The following GSK3B variants were observed in gnomAD, a reference collection of about 807,000 sequenced individuals.
GSK3B encodes glycogen synthase kinase-3 beta.
In GSK3B, 15 loss-of-function variants were observed where a neutral mutation model predicts 56.4. The ratio of observed to expected loss-of-function variants is 0.27; its 90% CI spans 0.18 to 0.41. The LOEUF is 0.41. Among genes scored for constraint, GSK3B ranks in the 10% least tolerant of loss-of-function variants. The pLI, the probability that GSK3B is intolerant of heterozygous loss-of-function variation, is 1.00. For missense variants in GSK3B, 300 were observed against 513.4 expected, an observed-to-expected ratio of 0.58 and a Z score of 4.02; for synonymous variants, 181 against 188.9, an observed-to-expected ratio of 0.96 and a Z score of 0.34.
intron 7 of GSK3B, among the ~76,000 whole-genome samples, chr3:119,891,532 A>T (rs2056502058): frequency 6.6e-6 from 1 of 152,164 alleles, no homozygotes; most frequent in South Asian, 2.1e-4. Context: ...TTTATAGATA[A>T]AAAAGATGTT....
intron 2 of GSK3B, among the ~76,000 whole-genome samples, chr3:119,967,374 C>G (rs936678199): frequency 3.9e-5 from 6 of 152,100 alleles, no homozygotes; most frequent in African/African-American, 1.2e-4. Context: ...CTGCGCCTGG[C>G]CAGCTATCTT....
intron 7 of GSK3B, among the ~76,000 whole-genome samples, chr3:119,883,378 T>C (rs1271795857): frequency 1.3e-5 from 2 of 152,008 alleles, no homozygotes; most frequent in African/African-American, 4.8e-5. Flanking sequence ...AAACAAAACA[T>C]TAGGGAGCAA....
At chr3:119,831,222 T>C (rs1203079787) in intron 10 of GSK3B, among the ~76,000 whole-genome samples, 1 of 152,176 alleles carries the variant, frequency 6.6e-6, no homozygotes, top group Admixed American at 6.5e-5. Flanking sequence ...ATCCATCTTA[T>C]GGGCAGTAGG....
At chr3:120,054,149 C>G (rs2058173609) in intron 1 of GSK3B, among the ~76,000 whole-genome samples, 1 of 152,118 alleles carries the variant, frequency 6.6e-6, no homozygotes, top group Admixed American at 6.5e-5. Context: ...ACAAAAAGAG[C>G]AAACAAGAAG....
intron 8 of GSK3B, among the ~76,000 whole-genome samples, chr3:119,865,472 T>A (rs1213597901): frequency 0.03 from 766 of 25,654 alleles, no homozygotes; most frequent in Non-Finnish European, 0.045. Context: ...ATATATTTTT[T>A]TTTTTTTTTT....
intron 2 of GSK3B, among the ~76,000 whole-genome samples, chr3:119,993,436 C>G (rs955600084): frequency 6.6e-6 from 1 of 151,560 alleles, no homozygotes; most frequent in South Asian, 2.1e-4. Flanking sequence ...GTCTATGCTA[C>G]AGGAAAAAAT....
chr3:119,824,351 A>ACACACG lies in GSK3B; in HGVS notation c.*2436_*2437insCGTGTG, dbSNP rs1491197380. The ACACACG allele has an allele frequency of 1.9e-5, 4 of 215,412 alleles. No homozygotes were observed. Among genetic ancestry groups the ACACACG allele is most frequent in the African/African-American group, 9.4e-5 (4 of 42,698 alleles). 13.3% of individuals were successfully genotyped at this position (215,412 alleles called of 1,614,324 possible). A position where few individuals can be genotyped will look rare whatever the true frequency, so the allele number is the denominator to read the frequency against. ...TCAGCACACACACACACACACACAC[A>ACACACG]CGCACACATGCACACACAATGAAAT... On this transcript the variant is annotated 3_prime_UTR_variant, in exon 11 of 11. Coordinates refer to ENST00000264235, the MANE Select transcript of GSK3B (RefSeq NM_001146156.2).
At chr3:119,958,433 T>C (rs2057237393) in intron 2 of GSK3B, among the ~76,000 whole-genome samples, 1 of 151,922 alleles carries the variant, frequency 6.6e-6, no homozygotes, top group South Asian at 2.1e-4. Context: ...TCCCAGCACT[T>C]TGGGAGGCTA....
chr3:119,892,764 CATA>C (rs2056517852), intron 7 of GSK3B, among the ~76,000 whole-genome samples: 1 of 152,106 alleles, frequency 6.6e-6, no homozygotes, highest in African/African-American at 2.4e-5. Context: ...TATAACACAA[CATA>C]ATCATTGTAT....
chr3:120,042,017 C>G (rs2058068577), intron 1 of GSK3B, among the ~76,000 whole-genome samples: 1 of 152,158 alleles, frequency 6.6e-6, no homozygotes. Flanking sequence ...GTCTTATTAA[C>G]AGTAAGGTCA....
intron 2 of GSK3B, among the ~76,000 whole-genome samples, chr3:119,954,304 GAAAAGA>G (rs1312008574): frequency 2.0e-4 from 24 of 119,904 alleles, no homozygotes; most frequent in African/African-American, 5.6e-4. Flanking sequence ...GAATAGAATA[GAAAAGA>G]AACAGAACAG....
chr3:119,889,628 A>G (rs1277534666), intron 7 of GSK3B, among the ~76,000 whole-genome samples: 1 of 152,126 alleles, frequency 6.6e-6, no homozygotes, highest in Non-Finnish European at 1.5e-5. Flanking sequence ...AAAGAGGGGG[A>G]AAAACAGAGC....
At chr3:120,071,456 C>T (rs546941223) in intron 1 of GSK3B, among the ~76,000 whole-genome samples, 17 of 152,334 alleles carry the variant, frequency 1.1e-4, no homozygotes, top group African/African-American at 3.8e-4. Context: ...GTATTTACAG[C>T]AGCTCCTCAT....
rs887662264 is a variant in GSK3B, at chr3:119,826,671, C to T, written c.*117G>A. 6 of 740,726 alleles carry T rather than the reference C, an allele frequency of 8.1e-6. No homozygotes were observed. Among genetic ancestry groups the T allele is most frequent in the African/African-American group, 5.2e-5 (3 of 57,758 alleles). 45.9% of individuals were successfully genotyped at this position (740,726 alleles called of 1,614,324 possible). ...ACAATAATAATAAAAAAATTGAACACTAAAATGAACAGGATTTTTTTCTCT... is the reference window on the plus strand; with the variant it reads ...ACAATAATAATAAAAAAATTGAACATTAAAATGAACAGGATTTTTTTCTCT... On this transcript the variant is annotated 3_prime_UTR_variant, in exon 11 of 11. Transcript: ENST00000264235.
intron 9 of GSK3B, among the ~76,000 whole-genome samples, chr3:119,844,596 C>T (rs977387900): frequency 6.6e-6 from 1 of 152,290 alleles, no homozygotes; most frequent in East Asian, 1.9e-4. Flanking sequence ...TGGATAAATT[C>T]CTGGACACAT....
intron 1 of GSK3B, among the ~76,000 whole-genome samples, chr3:120,078,334 A>G (rs925039775): frequency 6.6e-6 from 1 of 152,180 alleles, no homozygotes; most frequent in Non-Finnish European, 1.5e-5. Context: ...CCAACAAGCT[A>G]TACAACTTAT....
chr3:120,006,352 C>G (rs1354401575), intron 1 of GSK3B, among the ~76,000 whole-genome samples: 1 of 152,152 alleles, frequency 6.6e-6, no homozygotes, highest in African/African-American at 2.4e-5. Flanking sequence ...TTAGACAGAT[C>G]AAGGAGACAG....
rs202156812 is a variant in GSK3B, at chr3:119,967,834, TTCTCTC to T, written c.283-20489_283-20484del. 3.4e-3 allele frequency among the ~76,000 whole-genome samples: 404 copies of T among 119,006 alleles called. 2 individuals are homozygous for T. The highest frequency in any genetic ancestry group is 0.029 in the East Asian group (109 of 3,798). The allele number at this position is 119,006 out of a possible 152,430, so 78.1% of individuals were successfully genotyped here. A position where few individuals can be genotyped will look rare whatever the true frequency, so the allele number is the denominator to read the frequency against. ...CCTCCCTCCCTTTCTCTCTTTCTCT[TTCTCTC>T]TCTCTCTCTCTCTCTCTCTCTCTCT... On this transcript the variant is annotated intron_variant, in intron 2 of 10. Transcript: ENST00000264235.
At chr3:119,856,037 A>T (rs912131683) in intron 9 of GSK3B, among the ~76,000 whole-genome samples, 4 of 152,190 alleles carry the variant, frequency 2.6e-5, no homozygotes, top group South Asian at 2.1e-4. Context: ...GTTTATTTAT[A>T]TCATGATTTT....
Sources: gnomAD v4.1 joint callset for allele counts (sites outside exome capture counted in the v4.1 genomes callset) on GRCh38, gnomAD v4.1.1 for gene constraint, MANE v1.5 for transcripts, NCBI Gene and HGNC (gene_info 2026-07-23, HGNC 2026-07-21) for gene names.